DAZAP1: variants seen among roughly 807,000 people sequenced by gnomAD.
DAZAP1 encodes DAZ-associated protein 1.
In DAZAP1, 6 loss-of-function variants were observed where a neutral mutation model predicts 60.1. The ratio of observed to expected loss-of-function variants is 0.10; its 90% CI spans 0.05 to 0.20. The LOEUF is 0.20. Ranked by LOEUF, DAZAP1 falls within the 10% of genes least tolerant of loss-of-function variation. The probability of loss-of-function intolerance (pLI) is 1.00; values close to 1 mark genes in which losing one functional copy is unlikely to be tolerated. For missense variants in DAZAP1, 366 were observed against 560.4 expected (o/e 0.65, Z 3.50); for synonymous variants, 235 against 215.9 (o/e 1.09, Z -0.78).
chr19:1,417,387 C>T (rs535531151), intron 1 of DAZAP1, 113 bp from the exon 2 acceptor site: 3 of 1,187,046 alleles, frequency 2.5e-6, no homozygotes, highest in East Asian at 2.6e-5. Flanking sequence ...TGCACAAGGA[C>T]GTTTGCGTCA....
At position 1,428,294 on chromosome 19, in the gene DAZAP1, G is replaced by A. The variant is rs2083354518; in HGVS notation, c.547-548G>A. 6.6e-6 allele frequency: 1 copy of A among 152,360 alleles called. No individual in the cohort carries two copies. The allele number at this position is 152,360 out of a possible 1,614,324, so 9.4% of individuals were successfully genotyped here. A position where few individuals can be genotyped will look rare whatever the true frequency, so the allele number is the denominator to read the frequency against. Reference sequence around the variant, plus strand: ...CTCTGACATTAGTTTTGAGTTAATTGAGATTCTTTAAGCGTTAGCCTGGGG... The same window carrying A: ...CTCTGACATTAGTTTTGAGTTAATTAAGATTCTTTAAGCGTTAGCCTGGGG... On this transcript the variant is annotated intron_variant, in intron 7 of 11. Coordinates refer to ENST00000233078, the MANE Select transcript of DAZAP1 (RefSeq NM_018959.4). This position sits in a 1 kb window ranked among gnomAD's most constrained non-coding sequence, Gnocchi z 4.0.
intron 1 of DAZAP1, among the ~76,000 whole-genome samples, chr19:1,412,529 A>G (rs551059413): frequency 6.6e-6 from 1 of 152,306 alleles, no homozygotes; most frequent in East Asian, 1.9e-4. Flanking sequence ...AGGAAGGGAA[A>G]GGTCGCCTGC....
chr19:1,418,836 C>G lies in DAZAP1; in HGVS notation c.303+105C>G. The stretch of plus-strand genomic sequence containing the variant: ...TGTCGCTCGTTAAGATTGAGGGCGA[C>G]GCAGGTCTTCTGGGTTGGCACTCGA... On this transcript the variant is annotated intron_variant, in intron 4 of 11. Coordinates refer to ENST00000233078, the MANE Select transcript of DAZAP1 (RefSeq NM_018959.4). The surrounding 1 kb of genome is among the most constrained non-coding windows in gnomAD (Gnocchi z 5.7). The G allele has an allele frequency of 8.2e-7, 1 of 1,216,358 alleles. No individual in the cohort carries two copies. Among genetic ancestry groups the G allele is most frequent in the Non-Finnish European group, 1.2e-6 (1 of 867,820 alleles). 75.3% of individuals were successfully genotyped at this position (1,216,358 alleles called of 1,614,324 possible).
chr19:1,412,214 G>T (rs145069256), intron 1 of DAZAP1, among the ~76,000 whole-genome samples: 21 of 152,180 alleles, frequency 1.4e-4, no homozygotes, highest in African/African-American at 4.3e-4. Flanking sequence ...TGGGCTGGAG[G>T]GGGGGCATCT....
rs1254784825 is a variant in DAZAP1 at position 1,434,657 on chromosome 19, G to A, written c.1049-80G>A. 2.0e-6 allele frequency: 3 copies of A among 1,498,814 alleles called. No individual in the cohort carries two copies. Among genetic ancestry groups the A allele is most frequent in the East Asian group, 4.7e-5 (2 of 42,146 alleles). The allele number at this position is 1,498,814 out of a possible 1,614,324, so 92.8% of individuals were successfully genotyped here. On this transcript the variant is annotated intron_variant, in intron 11 of 11. Transcript: ENST00000233078. The surrounding 1 kb of genome is among the most constrained non-coding windows in gnomAD (Gnocchi z 8.0). ...GTGGACTCAAGGCAGGCTCGGCGGA[G>A]CTGTGTCCAGGTGGCCTCGCTCGAC...
At position 1,418,586 on chromosome 19, in the gene DAZAP1, T is replaced by C; in HGVS notation, c.238-80T>C. 6.4e-7 allele frequency: 1 copy of C among 1,569,224 alleles called. No individual in the cohort carries two copies. The highest frequency in any genetic ancestry group is 8.8e-7 in the Non-Finnish European group (1 of 1,140,062). On this transcript the variant is annotated intron_variant, in intron 3 of 11. Transcript: ENST00000233078. This position sits in a 1 kb window ranked among gnomAD's most constrained non-coding sequence, Gnocchi z 5.7. ...CGGGGCGGGCCGGGCTGCTGTGCCG[T>C]GGCTGCTGTTGTGCTGACACCCTCT...
At chr19:1,411,792 C>T (rs1408917018) in intron 1 of DAZAP1, among the ~76,000 whole-genome samples, 1 of 152,248 alleles carries the variant, frequency 6.6e-6, no homozygotes, top group Non-Finnish European at 1.5e-5. Flanking sequence ...GGAGTCCACA[C>T]TCCTCCACTG....
In DAZAP1 at chr19:1,432,644, G is replaced by T. The variant is rs1290945343; in HGVS notation, c.1002G>T (p.Met334Ile). The T allele has an allele frequency of 1.9e-6, 3 of 1,613,132 alleles. No individual in the cohort carries two copies. Among genetic ancestry groups the T allele is most frequent in the Non-Finnish European group, 2.5e-6 (3 of 1,179,764 alleles). ...CTCCGTCTCAGGCTGCCCCGGACAT[G>T]AGCAAGCCCCCGACAGCTCAGCCAG... ...PPPPSQAAPD[M>I]SKPPTAQPDF... Residue 334 changes from methionine to isoleucine, a missense_variant, in exon 11 of 12, where the codon ATG becomes ATT. Met to Ile is a conservative substitution (Grantham distance 10). Transcript: ENST00000233078. The surrounding 1 kb of genome is among the most constrained non-coding windows in gnomAD (Gnocchi z 4.9).
chr19:1,418,526 T>C lies in DAZAP1; in HGVS notation c.238-140T>C, dbSNP rs902716810. On this transcript the variant is annotated intron_variant, in intron 3 of 11. Transcript: ENST00000233078. The surrounding 1 kb of genome is among the most constrained non-coding windows in gnomAD (Gnocchi z 5.7). ...AAGCCTTGGTGCTGAGGCTGGATAT[T>C]GCAGGAGGATACAGGGTGAATGGAG... The C allele has an allele frequency of 2.9e-5, 41 of 1,425,144 alleles. No individual in the cohort carries two copies. In the Admixed American group the frequency reaches 6.7e-4, roughly 23 times the overall value. The allele number at this position is 1,425,144 out of a possible 1,614,324, so 88.3% of individuals were successfully genotyped here.
rs1362863661 is a variant in DAZAP1, at chr19:1,423,124, G to A, written c.463+728G>A. On this transcript the variant is annotated intron_variant, in intron 6 of 11. Transcript: ENST00000233078. The surrounding 1 kb of genome is among the most constrained non-coding windows in gnomAD (Gnocchi z 6.8). ...CCTGCAGCCTGGGTCTGCCCGCCACGTCCGTGCCGCCCCCGCACCACCGGC... is the reference window on the plus strand; with the variant it reads ...CCTGCAGCCTGGGTCTGCCCGCCACATCCGTGCCGCCCCCGCACCACCGGC... Among the ~76,000 whole-genome samples the A allele has an allele frequency of 1.3e-5, 2 of 151,734 alleles. No individual in the cohort carries two copies. The highest frequency in any genetic ancestry group is 2.4e-5 in the African/African-American group (1 of 41,424).
At chr19:1,408,049 G>A (rs546230867) in intron 1 of DAZAP1, among the ~76,000 whole-genome samples, 1 of 151,858 alleles carries the variant, frequency 6.6e-6, no homozygotes, top group Non-Finnish European at 1.5e-5. Context: ...CTGAAGGAGA[G>A]CCTGAGGGGT....
At chr19:1,417,971 T>C (rs2083035836) in intron 2 of DAZAP1, among the ~76,000 whole-genome samples, 1 of 152,168 alleles carries the variant, frequency 6.6e-6, no homozygotes, top group African/African-American at 2.4e-5. Flanking sequence ...CAAAGTCAGG[T>C]TGTAACCGCT....
At position 1,418,469 on chromosome 19, in the gene DAZAP1, A is replaced by G; in HGVS notation, c.237+99A>G. 2.7e-6 allele frequency: 4 copies of G among 1,492,188 alleles called. No individual in the cohort carries two copies. Among genetic ancestry groups the G allele is most frequent in the Non-Finnish European group, 3.7e-6 (4 of 1,080,258 alleles). The allele number at this position is 1,492,188 out of a possible 1,614,324, so 92.4% of individuals were successfully genotyped here. ...CTCTGACCGATGTTTGCGTTAGAGTATGTTTGAACGTGGGGTCGATTGGGA... is the reference window on the plus strand; with the variant it reads ...CTCTGACCGATGTTTGCGTTAGAGTGTGTTTGAACGTGGGGTCGATTGGGA... On this transcript the variant is annotated intron_variant, in intron 3 of 11. Coordinates refer to ENST00000233078, the MANE Select transcript of DAZAP1 (RefSeq NM_018959.4). This position sits in a 1 kb window ranked among gnomAD's most constrained non-coding sequence, Gnocchi z 5.7.
chr19:1,411,236 C>T (rs1343336172), intron 1 of DAZAP1, among the ~76,000 whole-genome samples: 1 of 152,206 alleles, frequency 6.6e-6, no homozygotes, highest in Non-Finnish European at 1.5e-5. Context: ...AGGCAGGTCT[C>T]CTGGGCTCTG....
Position 1,422,281 on chromosome 19 carries a change from G to C in DAZAP1, c.415-67G>C. The stretch of plus-strand genomic sequence containing the variant: ...GAGTTTGGGTTCGTGGGAACAGGCT[G>C]TGCCCTCGGAAGACCACCTGTGGTG... On this transcript the variant is annotated intron_variant, in intron 5 of 11. Transcript: ENST00000233078. The surrounding 1 kb of genome is among the most constrained non-coding windows in gnomAD (Gnocchi z 4.5). 2 of 1,463,466 alleles carry C rather than the reference G, an allele frequency of 1.4e-6. No homozygotes were observed. Among genetic ancestry groups the C allele is most frequent in the Non-Finnish European group, 1.9e-6 (2 of 1,045,866 alleles). 90.7% of individuals were successfully genotyped at this position (1,463,466 alleles called of 1,614,324 possible). A position where few individuals can be genotyped will look rare whatever the true frequency, so the allele number is the denominator to read the frequency against.
At position 1,418,752 on chromosome 19, in the gene DAZAP1, G is replaced by T; in HGVS notation, c.303+21G>T. Reference sequence around the variant, plus strand: ...GATGGGTAAGGGGCTGGGCCGGGCGGCCTCCTTGTGTGTTCTCCACTCCAC... The same window carrying T: ...GATGGGTAAGGGGCTGGGCCGGGCGTCCTCCTTGTGTGTTCTCCACTCCAC... On this transcript the variant is annotated intron_variant, in intron 4 of 11. Coordinates refer to ENST00000233078, the MANE Select transcript of DAZAP1 (RefSeq NM_018959.4). This position sits in a 1 kb window ranked among gnomAD's most constrained non-coding sequence, Gnocchi z 5.7. 1 of 1,588,800 alleles carries T rather than the reference G, an allele frequency of 6.3e-7. No individual in the cohort carries two copies. The highest frequency in any genetic ancestry group is 8.6e-7 in the Non-Finnish European group (1 of 1,167,616).
At position 1,418,938 on chromosome 19, in the gene DAZAP1, G is replaced by A. The variant is rs1345837201; in HGVS notation, c.303+207G>A. On this transcript the variant is annotated intron_variant, in intron 4 of 11. Coordinates refer to ENST00000233078, the MANE Select transcript of DAZAP1 (RefSeq NM_018959.4). The surrounding 1 kb of genome is among the most constrained non-coding windows in gnomAD (Gnocchi z 5.7). ...GAAAATTCTTACTAATCTATCTTAG[G>A]GAAAAAAAAAATGACAGCTCATGCC... Among the ~76,000 whole-genome samples the A allele has an allele frequency of 6.6e-6, 1 of 151,530 alleles. No homozygotes were observed. The highest frequency in any genetic ancestry group is 2.4e-5 in the African/African-American group (1 of 41,220).
intron 6 of DAZAP1, among the ~76,000 whole-genome samples, chr19:1,424,873 T>C (rs904855526): frequency 3.9e-5 from 6 of 152,152 alleles, no homozygotes; most frequent in African/African-American, 1.4e-4. Context: ...GGGAGGACGG[T>C]GTGCTTTGCG....
Position 1,432,813 on chromosome 19 carries a change from G to C in DAZAP1, c.1048+123G>C. The stretch of plus-strand genomic sequence containing the variant: ...CTTTACCTGGTGGGAAAGGGGAGAG[G>C]GAGGAGAGGGGGGTGTGGGGGTTGT... On this transcript the variant is annotated intron_variant, in intron 11 of 11. Coordinates refer to ENST00000233078, the MANE Select transcript of DAZAP1 (RefSeq NM_018959.4). The surrounding 1 kb of genome is among the most constrained non-coding windows in gnomAD (Gnocchi z 4.9). 2 of 1,186,462 alleles carry C rather than the reference G, an allele frequency of 1.7e-6. No homozygotes were observed. Among genetic ancestry groups the C allele is most frequent in the South Asian group, 3.0e-5 (2 of 66,106 alleles). 73.5% of individuals were successfully genotyped at this position (1,186,462 alleles called of 1,614,324 possible). A position where few individuals can be genotyped will look rare whatever the true frequency, so the allele number is the denominator to read the frequency against.
Sources: gnomAD v4.1 joint callset for allele counts (sites outside exome capture counted in the v4.1 genomes callset) on GRCh38, gnomAD v4.1.1 for gene constraint, Gnocchi (gnomAD v3.1) non-coding constraint, MANE v1.5 for transcripts, NCBI Gene and HGNC (gene_info 2026-07-23, HGNC 2026-07-21) for gene names.